Variants in ALDH18A1 observed in about 807,000 individuals in gnomAD.
ALDH18A1 encodes delta-1-pyrroline-5-carboxylate synthase.
Under a neutral mutation model 88.8 loss-of-function variants are expected in ALDH18A1, and 44 were observed. The observed-to-expected ratio is 0.50, with a 90% CI of 0.39 to 0.64. The LOEUF (loss-of-function observed/expected upper bound fraction) is 0.64, where lower values mean the gene tolerates loss of function less well. ALDH18A1 is among the 30% of genes least tolerant of loss of function. The pLI is 0.00. For synonymous variants in ALDH18A1, 331 were observed against 372.1 expected, an observed-to-expected ratio of 0.89 and a Z score of 1.27; for missense variants, 782 against 1,009.5, an observed-to-expected ratio of 0.77 and a Z score of 3.05.
chr10:95,620,214 C>A (rs925008820), intron 12 of ALDH18A1, among the ~76,000 whole-genome samples: 4 of 152,152 alleles, frequency 2.6e-5, no homozygotes, highest in African/African-American at 9.7e-5. Context: ...CAGAGAAATG[C>A]AAATCAAAAC....
chr10:95,606,751 C>T lies in ALDH18A1; in HGVS notation c.*11G>A. The T allele has an allele frequency of 6.2e-7, 1 of 1,614,056 alleles. No homozygotes were observed. Among genetic ancestry groups the T allele is most frequent in the East Asian group, 2.2e-5 (1 of 44,890 alleles). ...ACCTTTTGGAAAATTCCCGGGTTTT[C>T]CTGGCTCTTTTCAGTTGGTGTTTCT... is the stretch of plus-strand genomic sequence containing the variant. On this transcript the variant is annotated 3_prime_UTR_variant, in exon 18 of 18. Transcript: ENST00000371224.
chr10:95,609,602 CA>C (rs1464054424), intron 17 of ALDH18A1, among the ~76,000 whole-genome samples: 2 of 152,134 alleles, frequency 1.3e-5, no homozygotes, highest in African/African-American at 2.4e-5. Flanking sequence ...GGACTTTGGG[CA>C]AGTTACTATA....
chr10:95,607,620 A>T (rs900779478), intron 17 of ALDH18A1, among the ~76,000 whole-genome samples: 4 of 152,182 alleles, frequency 2.6e-5, no homozygotes, highest in African/African-American at 9.7e-5. Context: ...AATAGATACA[A>T]GGCCCTGTTT....
chr10:95,656,095 G>T (rs943371271), intron 1 of ALDH18A1, among the ~76,000 whole-genome samples: 1 of 152,148 alleles, frequency 6.6e-6, no homozygotes, highest in African/African-American at 2.4e-5. Context: ...TTGAGGAGGG[G>T]ATGATGAACG....
chr10:95,636,000 GA>G, intron 5 of ALDH18A1, among the ~76,000 whole-genome samples: 1 of 152,220 alleles, frequency 6.6e-6, no homozygotes, highest in East Asian at 1.9e-4. Flanking sequence ...TATACTAACA[GA>G]AAAAAAGCTA....
chr10:95,628,184 C>A (rs1432494879), intron 8 of ALDH18A1, among the ~76,000 whole-genome samples, 184 bp downstream of exon 8: 1 of 152,204 alleles, frequency 6.6e-6, no homozygotes, highest in Non-Finnish European at 1.5e-5. Flanking sequence ...AACCCACATA[C>A]ACAGACATAA....
intron 13 of ALDH18A1, among the ~76,000 whole-genome samples, chr10:95,615,338 CAAA>C (rs71913331): frequency 8.9e-5 from 11 of 123,406 alleles, no homozygotes; most frequent in Non-Finnish European, 1.1e-4. Context: ...GACCATGTCT[CAAA>C]AAAAAAAAAA....
chr10:95,611,492 G>A, intron 15 of ALDH18A1, 50 bp from the exon 16 acceptor site: 1 of 1,597,116 alleles, frequency 6.3e-7, no homozygotes, highest in Non-Finnish European at 8.6e-7. Flanking sequence ...ACTGAAATAA[G>A]CAAGTTCTAG....
At chr10:95,634,921 G>C (rs2097877801) in intron 5 of ALDH18A1, among the ~76,000 whole-genome samples, 1 of 152,160 alleles carries the variant, frequency 6.6e-6, no homozygotes, top group Admixed American at 6.5e-5. Flanking sequence ...GAAGCAAATA[G>C]TAAAGAAAGC....
At chr10:95,611,810 T>TA (rs1565995860) in intron 15 of ALDH18A1, among the ~76,000 whole-genome samples, 3 of 151,892 alleles carry the variant, frequency 2.0e-5, no homozygotes, top group South Asian at 4.2e-4. Flanking sequence ...CCGTCTTTAC[T>TA]AAAAAAATTA....
chr10:95,645,702 A>G (rs937036618), intron 2 of ALDH18A1, among the ~76,000 whole-genome samples: 3 of 152,146 alleles, frequency 2.0e-5, no homozygotes, highest in African/African-American at 7.2e-5. Context: ...TTTTTTTCAC[A>G]ACAGGCTTGG....
chr10:95,633,451 T>G (rs765925933), intron 6 of ALDH18A1, 40 bp downstream of exon 6: 1 of 1,610,446 alleles, frequency 6.2e-7, no homozygotes. Flanking sequence ...ATGGTGTTAG[T>G]GTCTCCAGCA....
At chr10:95,637,544 T>C in intron 3 of ALDH18A1, 108 bp from the exon 4 acceptor site, 1 of 1,338,556 alleles carries the variant, frequency 7.5e-7, no homozygotes, top group East Asian at 2.4e-5. Flanking sequence ...CAAATGCTGG[T>C]TTATGAACCA....
chr10:95,621,183 CG>C lies in ALDH18A1; in HGVS notation c.1314del (p.Ile438MetfsTer32). ...LSTSKLNSLA[I>X]GLRQIAASSQ... ...GAGGAGGCTGCGATCTGTCGCAGACCGATGGCCAGGCTGTTCAATTTGGATG... is the reference window on the plus strand; with the variant it reads ...GAGGAGGCTGCGATCTGTCGCAGACCATGGCCAGGCTGTTCAATTTGGATG... On this transcript the variant is annotated frameshift_variant, in exon 12 of 18. Coordinates refer to ENST00000371224, the MANE Select transcript of ALDH18A1 (RefSeq NM_002860.4). LOFTEE classifies it high-confidence loss of function. 1 of 1,614,020 alleles carries C rather than the reference CG, an allele frequency of 6.2e-7. No individual in the cohort carries two copies. Among genetic ancestry groups the C allele is most frequent in the Non-Finnish European group, 8.5e-7 (1 of 1,180,022 alleles).
chr10:95,620,647 C>T (rs1006303420), intron 12 of ALDH18A1, among the ~76,000 whole-genome samples: 5 of 152,118 alleles, frequency 3.3e-5, no homozygotes, highest in African/African-American at 1.2e-4. Context: ...ATGGATGAAG[C>T]TGCATGATTC....
At chr10:95,607,110 T>C (rs2097824203) in intron 17 of ALDH18A1, among the ~76,000 whole-genome samples, 167 bp from the exon 18 acceptor site, 2 of 152,304 alleles carry the variant, frequency 1.3e-5, no homozygotes, top group Non-Finnish European at 2.9e-5. Flanking sequence ...ATAAACATGT[T>C]CTTCGATTAC....
intron 5 of ALDH18A1, among the ~76,000 whole-genome samples, chr10:95,636,360 T>C (rs948022771): frequency 1.3e-5 from 2 of 152,200 alleles, no homozygotes; most frequent in African/African-American, 2.4e-5. Flanking sequence ...AGTTGTTTCC[T>C]GAAGTGACTG....
At chr10:95,620,944 AAAAAAG>A in intron 12 of ALDH18A1, 81 bp downstream of exon 12, 8 of 1,363,910 alleles carry the variant, frequency 5.9e-6, no homozygotes, top group Non-Finnish European at 8.0e-6. Flanking sequence ...TAAAAAAAAA[AAAAAAG>A]AAAAGAAAAT....
chr10:95,619,600 A>G (rs1332816379), intron 12 of ALDH18A1, among the ~76,000 whole-genome samples: 1 of 152,292 alleles, frequency 6.6e-6, no homozygotes. Flanking sequence ...AGATAGACCA[A>G]TGGAACAGAA....
Sources: allele counts gnomAD v4.1 joint callset (sites outside exome capture counted in the v4.1 genomes callset), GRCh38; gene constraint gnomAD v4.1.1; transcripts MANE v1.5; gene names NCBI Gene and HGNC (gene_info 2026-07-23, HGNC 2026-07-21).